RPS6KC1: variants seen among roughly 807,000 people sequenced by gnomAD.
RPS6KC1 encodes the protein inactive ribosomal protein S6 kinase delta-1.
A neutral mutation model predicts 103.8 loss-of-function variants in RPS6KC1; 54 were observed. That is an observed-to-expected ratio of 0.52 (90% CI 0.42 to 0.65). The LOEUF is 0.65. RPS6KC1 is among the 30% of genes least tolerant of loss of function. RPS6KC1 has a pLI of 0.00. For synonymous variants in RPS6KC1, 439 were observed against 438.7 expected (o/e 1.00, Z -0.01); for missense variants, 1,151 against 1,253.8 (o/e 0.92, Z 1.24).
At chr1:213,193,446 G>A (rs1383741120) in intron 8 of RPS6KC1, among the ~76,000 whole-genome samples, 1 of 151,386 alleles carries the variant, frequency 6.6e-6, no homozygotes, top group Non-Finnish European at 1.5e-5. Context: ...ATTTTTAGTA[G>A]AAATGAGGTT....
the RPS6KC1 span, among the ~76,000 whole-genome samples, chr1:213,560,333 A>T: frequency 6.6e-6 from 1 of 152,194 alleles, no homozygotes; most frequent in East Asian, 1.9e-4. Flanking sequence ...AGTCATAAAT[A>T]TTTAAAATAT....
chr1:213,152,107 C>G (rs1435451675), intron 6 of RPS6KC1, among the ~76,000 whole-genome samples: 1 of 132,604 alleles, frequency 7.5e-6, no homozygotes, highest in South Asian at 2.4e-4. Flanking sequence ...CAGAGGGGCT[C>G]CTCACTTCCC....
the RPS6KC1 span, among the ~76,000 whole-genome samples, chr1:213,359,134 C>T: frequency 6.6e-6 from 1 of 152,160 alleles, no homozygotes; most frequent in Non-Finnish European, 1.5e-5. Flanking sequence ...TCTTGTTGAT[C>T]TGTCTAATGT....
the RPS6KC1 span, among the ~76,000 whole-genome samples, chr1:213,748,942 T>C: frequency 3.9e-5 from 6 of 152,212 alleles, no homozygotes; most frequent in Admixed American, 3.3e-4. Context: ...GTCCAGAGAA[T>C]GAACCAGACC....
the RPS6KC1 span, among the ~76,000 whole-genome samples, chr1:213,640,139 G>C: frequency 6.6e-6 from 1 of 151,888 alleles, no homozygotes; most frequent in Non-Finnish European, 1.5e-5. Context: ...GTAGTTTGTG[G>C]TTTGTAAAGA....
At position 213,219,873 on chromosome 1, in the gene RPS6KC1, G is replaced by A. The variant is rs190577170; in HGVS notation, c.1045-10624G>A. Among the ~76,000 whole-genome samples, 579 of 144,358 alleles carry A rather than the reference G, an allele frequency of 4.0e-3. 4 individuals carry two copies. The highest frequency in any genetic ancestry group is 0.014 in the African/African-American group (541 of 39,266). 94.7% of individuals were successfully genotyped at this position (144,358 alleles called of 152,430 possible). A position where few individuals can be genotyped will look rare whatever the true frequency, so the allele number is the denominator to read the frequency against. ...GGCCTGTTGTGGGGTGGGGGGAGGGGGGAGGTATAGCATTAGGAGATATAC... is the reference window on the plus strand; with the variant it reads ...GGCCTGTTGTGGGGTGGGGGGAGGGAGGAGGTATAGCATTAGGAGATATAC... On this transcript the variant is annotated intron_variant, in intron 8 of 14. Coordinates refer to ENST00000366960, the MANE Select transcript of RPS6KC1 (RefSeq NM_012424.6).
intron 7 of RPS6KC1, among the ~76,000 whole-genome samples, chr1:213,172,545 C>T (rs948941835): frequency 2.0e-5 from 3 of 152,162 alleles, no homozygotes; most frequent in Non-Finnish European, 2.9e-5. Flanking sequence ...CCTGGGAGAT[C>T]GAGCTTGCAG....
chr1:213,377,220 T>C, the RPS6KC1 span, among the ~76,000 whole-genome samples: 3 of 152,220 alleles, frequency 2.0e-5, no homozygotes, highest in Admixed American at 6.5e-5. Context: ...AATTCCTGAA[T>C]GCGATAACCT....
chr1:213,360,703 T>A, the RPS6KC1 span, among the ~76,000 whole-genome samples: 4 of 152,192 alleles, frequency 2.6e-5, no homozygotes, highest in Admixed American at 1.3e-4. Context: ...CTACCTTTGG[T>A]CTTTGATGAT....
chr1:213,617,647 C>T, the RPS6KC1 span, among the ~76,000 whole-genome samples: 1 of 152,156 alleles, frequency 6.6e-6, no homozygotes, highest in Non-Finnish European at 1.5e-5. Flanking sequence ...AATGCACATG[C>T]TCTTGTGAGA....
chr1:213,280,131 A>C, the RPS6KC1 span, among the ~76,000 whole-genome samples: 13 of 152,184 alleles, frequency 8.5e-5, no homozygotes, highest in African/African-American at 2.9e-4. Context: ...TCGGTGGGAA[A>C]GGGTGATAGG....
At chr1:213,280,171 G>A in the RPS6KC1 span, among the ~76,000 whole-genome samples, 1 of 152,152 alleles carries the variant, frequency 6.6e-6, no homozygotes, top group African/African-American at 2.4e-5. Context: ...CAAGGAGGAA[G>A]GGAAAAGACA....
At chr1:213,468,288 T>C in the RPS6KC1 span, among the ~76,000 whole-genome samples, 3 of 152,252 alleles carry the variant, frequency 2.0e-5, no homozygotes, top group South Asian at 2.1e-4. Context: ...CCTTTGAATA[T>C]GGAAATGTTT....
At chr1:213,801,480 G>A in the RPS6KC1 span, among the ~76,000 whole-genome samples, 1 of 151,980 alleles carries the variant, frequency 6.6e-6, no homozygotes, top group Non-Finnish European at 1.5e-5. Context: ...AAATACATAT[G>A]AAGAAAGAAA....
At chr1:213,465,505 C>T in the RPS6KC1 span, among the ~76,000 whole-genome samples, 2 of 152,146 alleles carry the variant, frequency 1.3e-5, no homozygotes, top group Admixed American at 6.5e-5. Context: ...GACATCCTTG[C>T]TAACACTTTG....
chr1:213,176,514 AAGAGTTCAGTCATAAATCG>A, intron 8 of RPS6KC1, 22 bp downstream of exon 8: 1 of 1,482,796 alleles, frequency 6.7e-7, no homozygotes, highest in Non-Finnish European at 9.4e-7. Context: ...GTGTCTCTTC[AAGAGTTCAGTCATAAATCG>A]ACTGCATGCT....
intron 5 of RPS6KC1, among the ~76,000 whole-genome samples, chr1:213,126,704 G>T (rs1164785403): frequency 6.6e-6 from 1 of 152,114 alleles, no homozygotes; most frequent in Non-Finnish European, 1.5e-5. Flanking sequence ...ATATGATTTT[G>T]TGGTTTTGTG....
chr1:213,112,440 A>T lies in RPS6KC1; in HGVS notation c.379-4877A>T, dbSNP rs149161156. Among the ~76,000 whole-genome samples the T allele has an allele frequency of 3.6e-4, 55 of 152,162 alleles. 2 individuals carry two copies. The East Asian group carries it at 0.011, about 29-fold the overall frequency. ...GAATTAAAATGATAGCCACATAGAG[A>T]AATCAATTTTATATTTATTTTTTAT... On this transcript the variant is annotated intron_variant, in intron 4 of 14. Transcript: ENST00000366960.
At chr1:213,216,075 A>G (rs1321557075) in intron 8 of RPS6KC1, among the ~76,000 whole-genome samples, 2 of 152,236 alleles carry the variant, frequency 1.3e-5, no homozygotes, top group African/African-American at 4.8e-5. Context: ...TAAAAGATAC[A>G]GACTGGCAAA....
Sources: allele counts gnomAD v4.1 joint callset (sites outside exome capture counted in the v4.1 genomes callset), GRCh38; gene constraint gnomAD v4.1.1; transcripts MANE v1.5; gene names NCBI Gene and HGNC (gene_info 2026-07-23, HGNC 2026-07-21).